MYL3: variants seen among roughly 807,000 people sequenced by gnomAD.
MYL3 encodes the protein CMLC1.
A neutral mutation model predicts 21.3 loss-of-function variants in MYL3; 11 were observed. That is an observed-to-expected ratio of 0.52 (90% CI 0.32 to 0.85). The LOEUF is 0.85. MYL3 is among the 40% of genes least tolerant of loss of function. The probability of loss-of-function intolerance (pLI) is 0.03; values close to 1 mark genes in which losing one functional copy is unlikely to be tolerated. For missense variants in MYL3, 206 were observed against 253.3 expected, an observed-to-expected ratio of 0.81 and a Z score of 1.27; for synonymous variants, 88 against 91.6, an observed-to-expected ratio of 0.96 and a Z score of 0.22.
chr3:46,859,337 T>C lies in MYL3; in HGVS notation c.481+138A>G. On this transcript the variant is annotated intron_variant, in intron 4 of 6. Coordinates refer to ENST00000292327, the MANE Select transcript of MYL3 (RefSeq NM_000258.3). The surrounding 1 kb of genome is among the most constrained non-coding windows in gnomAD (Gnocchi z 4.1). ...TTACTCTCCTCCTAAGTAACATTTC[T>C]GTTGTCTGCCATTGAGGCTCCCTAA... The C allele has an allele frequency of 9.1e-7, 1 of 1,097,942 alleles. No homozygotes were observed. Among genetic ancestry groups the C allele is most frequent in the Admixed American group, 1.8e-5 (1 of 54,602 alleles). 68.0% of individuals were successfully genotyped at this position (1,097,942 alleles called of 1,614,324 possible). A position where few individuals can be genotyped will look rare whatever the true frequency, so the allele number is the denominator to read the frequency against.
intron 1 of MYL3, among the ~76,000 whole-genome samples, chr3:46,869,441 C>A (rs1702083624): frequency 6.6e-6 from 1 of 152,116 alleles, no homozygotes. Context: ...CAGCGCTGCA[C>A]CCTGGGCCAC....
Position 46,863,387 on chromosome 3 carries a change from C to T in MYL3, c.4G>A (p.Ala2Thr). Residue 2 changes from alanine to threonine, a missense_variant, in exon 1 of 7, where the codon GCC becomes ACC. Physicochemically the swap from Ala to Thr is moderately conservative, Grantham distance 58. Transcript: ENST00000292327. M[A>T]PKKPEPKKDD... ...TTCTTGGGCTCTGGCTTTTTGGGGGCCATTGGGGGCTGTAAGTACAGAGAG... is the reference window on the plus strand; with the variant it reads ...TTCTTGGGCTCTGGCTTTTTGGGGGTCATTGGGGGCTGTAAGTACAGAGAG... The T allele has an allele frequency of 6.2e-7, 1 of 1,613,084 alleles. No individual in the cohort carries two copies. The highest frequency in any genetic ancestry group is 8.5e-7 in the Non-Finnish European group (1 of 1,179,930).
intron 1 of MYL3, among the ~76,000 whole-genome samples, chr3:46,872,550 T>C (rs1290134655): frequency 6.6e-6 from 1 of 151,662 alleles, no homozygotes; most frequent in Admixed American, 6.6e-5. Context: ...AAACCATCAT[T>C]GATTGCGGCT....
rs369412348 is a variant in MYL3, at chr3:46,873,434, T to A, written c.-217-6834A>T. Among the ~76,000 whole-genome samples the A allele has an allele frequency of 1.0e-3, 154 of 152,232 alleles. 1 individual carries two copies. The highest frequency in any genetic ancestry group is 3.4e-3 in the African/African-American group (140 of 41,536). ...GGCAGGGCTGAGCTTGCAGAACACA[T>A]TGTTCCTCCTCCTCCTCTTCTTCCT... is the stretch of plus-strand genomic sequence containing the variant. On this transcript the variant is annotated intron_variant, in intron 1 of 3. Coordinates refer to the MYL3 transcript ENST00000431168.
chr3:46,872,459 AC>A, intron 1 of MYL3, among the ~76,000 whole-genome samples: 1 of 36,914 alleles, frequency 2.7e-5, no homozygotes, highest in Admixed American at 2.5e-4. Context: ...CCCTCAGCCC[AC>A]CCCCAACCAG....
intron 1 of MYL3, among the ~76,000 whole-genome samples, chr3:46,875,082 G>A (rs548656585): frequency 2.0e-5 from 3 of 152,322 alleles, no homozygotes; most frequent in South Asian, 4.1e-4. Context: ...TTGTTACCAG[G>A]TCATGGGAAA....
In MYL3 at chr3:46,874,456, C is replaced by T. The variant is rs1372803885; in HGVS notation, c.-218+7618G>A. On this transcript the variant is annotated intron_variant, in intron 1 of 3. Transcript: ENST00000431168. The surrounding 1 kb of genome is among the most constrained non-coding windows in gnomAD (Gnocchi z 4.1). Reference sequence around the variant, plus strand: ...GGACTAGGGGTTCTCCACTCGAGGGCTCCCGGCCACAGCCCCCGGCAAGGA... The same window carrying T: ...GGACTAGGGGTTCTCCACTCGAGGGTTCCCGGCCACAGCCCCCGGCAAGGA... Among the ~76,000 whole-genome samples the T allele has an allele frequency of 6.6e-6, 1 of 152,186 alleles. No homozygotes were observed. Among genetic ancestry groups the T allele is most frequent in the Admixed American group, 6.5e-5 (1 of 15,288 alleles).
In MYL3 at chr3:46,861,485, G is replaced by A. The variant is rs974774842; in HGVS notation, c.130-498C>T. ...GGAAGCATCGAGGGTGAGCACAAGT[G>A]TGCATGTTTGTGTGTGAGCATGTGT... On this transcript the variant is annotated intron_variant, in intron 1 of 6. Transcript: ENST00000292327. The surrounding 1 kb of genome is among the most constrained non-coding windows in gnomAD (Gnocchi z 4.2). 1.3e-5 allele frequency among the ~76,000 whole-genome samples: 2 copies of A among 152,174 alleles called. No homozygotes were observed. Among genetic ancestry groups the A allele is most frequent in the Non-Finnish European group, 2.9e-5 (2 of 68,030 alleles).
At chr3:46,875,980 G>GC (rs2030189945) in intron 1 of MYL3, among the ~76,000 whole-genome samples, 1 of 152,216 alleles carries the variant, frequency 6.6e-6, no homozygotes, top group Admixed American at 6.5e-5. Flanking sequence ...GGCCAGACTT[G>GC]CCCCCCAGAG....
intron 1 of MYL3, among the ~76,000 whole-genome samples, chr3:46,880,499 G>A (rs1453497723): frequency 1.3e-5 from 2 of 152,184 alleles, no homozygotes; most frequent in Non-Finnish European, 2.9e-5. Context: ...CAGCACTTTG[G>A]GAGGCTGAGG....
At chr3:46,876,306 T>C (rs890618087) in intron 1 of MYL3, among the ~76,000 whole-genome samples, 3 of 151,628 alleles carry the variant, frequency 2.0e-5, no homozygotes, top group Non-Finnish European at 2.9e-5. Flanking sequence ...TCAGGGGAGG[T>C]AGAGGCTCTG....
upstream of MYL3, chr3:46,863,607 G>A: frequency 1.8e-6 from 1 of 551,970 alleles, no homozygotes; most frequent in East Asian, 3.2e-5. Flanking sequence ...GGAATGGGTA[G>A]TGGAGGAGGG....
At chr3:46,872,442 A>ACCCCCCCCCCCCAGCC (rs200592186) in intron 1 of MYL3, among the ~76,000 whole-genome samples, 2 of 137,420 alleles carry the variant, frequency 1.5e-5, no homozygotes, top group Admixed American at 7.3e-5. Context: ...GGGCCCCAAG[A>ACCCCCCCCCCCCAGCC]CCCCCCCCCT....
rs140522020 is a variant in MYL3 at position 46,876,681 on chromosome 3, G to C, written c.-218+5393C>G. ...GGAAGACCCAGGGAGGGGGGCCCTAGGAATGTGCCCAATGGCTGGGGGTGG... is the reference window on the plus strand; with the variant it reads ...GGAAGACCCAGGGAGGGGGGCCCTACGAATGTGCCCAATGGCTGGGGGTGG... On this transcript the variant is annotated intron_variant, in intron 1 of 3. Transcript: ENST00000431168. 4.1e-3 allele frequency among the ~76,000 whole-genome samples: 621 copies of C among 152,340 alleles called. 2 individuals carry two copies. The highest frequency in any genetic ancestry group is 0.014 in the African/African-American group (601 of 41,574).
chr3:46,867,667 G>A (rs894985746), upstream of MYL3, among the ~76,000 whole-genome samples: 1 of 152,224 alleles, frequency 6.6e-6, no homozygotes, highest in African/African-American at 2.4e-5. Flanking sequence ...TGGCCTGCCG[G>A]TCCCGCCCCT....
At chr3:46,864,016 A>AG (rs1463362444), upstream of MYL3, among the ~76,000 whole-genome samples, 1 of 144,340 alleles carries the variant, frequency 6.9e-6, no homozygotes, top group East Asian at 2.1e-4. This position sits in a 1 kb window ranked among gnomAD's most constrained non-coding sequence, Gnocchi z 4.7. Flanking sequence ...GTTTGTGTGG[A>AG]GGGGGGTCTG....
intron 1 of MYL3, among the ~76,000 whole-genome samples, chr3:46,877,337 A>G (rs2106931991): frequency 6.6e-6 from 1 of 152,220 alleles, no homozygotes; most frequent in South Asian, 2.1e-4. Context: ...GGTGCCTTAA[A>G]CTTGAGTGAA....
chr3:46,873,322 C>A (rs1041634295), intron 1 of MYL3, among the ~76,000 whole-genome samples: 1 of 152,228 alleles, frequency 6.6e-6, no homozygotes, highest in Non-Finnish European at 1.5e-5. Context: ...TGGGGCCAGG[C>A]AGGGAGTTGG....
intron 1 of MYL3, among the ~76,000 whole-genome samples, chr3:46,877,576 C>T (rs762169537): frequency 5.3e-5 from 8 of 152,196 alleles, no homozygotes; most frequent in Admixed American, 6.5e-5. Context: ...ATCTGAACAC[C>T]GGCACACTTG....
Sources: allele counts gnomAD v4.1 joint callset (sites outside exome capture counted in the v4.1 genomes callset), GRCh38; gene constraint gnomAD v4.1.1; non-coding constraint Gnocchi (gnomAD v3.1); transcripts MANE v1.5; gene names NCBI Gene and HGNC (gene_info 2026-07-23, HGNC 2026-07-21).